The following KIAA0753 variants were observed in gnomAD, a reference collection of about 807,000 sequenced individuals.
KIAA0753 encodes the protein KIAA0753.
A neutral mutation model predicts 116.9 loss-of-function variants in KIAA0753; 114 were observed. The observed-to-expected ratio is 0.98, with a 90% CI of 0.84 to 1.14. The LOEUF (loss-of-function observed/expected upper bound fraction) is 1.14. Ranked by LOEUF, KIAA0753 falls within the 50% of genes most tolerant of loss-of-function variation. The pLI, the probability that KIAA0753 is intolerant of heterozygous loss-of-function variation, is 0.00. For synonymous variants in KIAA0753, 405 were observed against 413.1 expected (o/e 0.98, Z 0.24); for missense variants, 1,156 against 1,172.4 (o/e 0.99, Z 0.20).
At position 6,610,026 on chromosome 17, in the gene KIAA0753, T is replaced by TG; in HGVS notation, c.1679dup (p.Asn561LysfsTer10). 1 of 1,614,100 alleles carries TG rather than the reference T, an allele frequency of 6.2e-7. No homozygotes were observed. The highest frequency in any genetic ancestry group is 8.5e-7 in the Non-Finnish European group (1 of 1,179,980). On this transcript the variant is annotated frameshift_variant, in exon 9 of 19. Transcript: ENST00000361413. LOFTEE classifies it high-confidence loss of function. ...GAGACGCTGGTGGGGATGTGGGGTT[T>TG]GGGGGTATCCATGGTGCCTTGCGGT...
chr17:6,630,801 A>G (rs549899992), intron 2 of KIAA0753, among the ~76,000 whole-genome samples: 4 of 152,364 alleles, frequency 2.6e-5, no homozygotes, highest in African/African-American at 9.6e-5. Context: ...AGAGATTGGA[A>G]TATATTGTTC....
At chr17:6,632,817 C>A (rs12940696) in intron 2 of KIAA0753, among the ~76,000 whole-genome samples, 18,032 of 151,952 alleles carry the variant, frequency 0.12, 1,657 homozygotes, top group East Asian at 0.36. Context: ...TCAGGCAAAT[C>A]TAAATTGAGA....
chr17:6,623,793 C>T, intron 4 of KIAA0753: 1 of 456,902 alleles, frequency 2.2e-6, no homozygotes, highest in South Asian at 3.2e-5. Flanking sequence ...TCCCTTCGTC[C>T]CCAGTGTAAT....
intron 2 of KIAA0753, among the ~76,000 whole-genome samples, chr17:6,633,745 T>C (rs1379001370): frequency 1.3e-5 from 2 of 152,188 alleles, no homozygotes; most frequent in African/African-American, 2.4e-5. Context: ...ATGACAAGGA[T>C]GGATCTCAAA....
rs201379908 is a variant in KIAA0753 at position 6,628,599 on chromosome 17, A to G, written c.236T>C (p.Val79Ala). The G allele has an allele frequency of 2.9e-3, 4,748 of 1,614,122 alleles. 8 individuals are homozygous for G. The highest frequency in any genetic ancestry group is 3.6e-3 in the Non-Finnish European group (4,204 of 1,180,010). Reference sequence around the variant, plus strand: ...AACAGAACTGCCCAGGTCAGGACCAACTCTACAATCTGCATCTTTACAATG... The same window carrying G: ...AACAGAACTGCCCAGGTCAGGACCAGCTCTACAATCTGCATCTTTACAATG... ...SYHCKDADCRVGPDLGSSVSF... is the reference protein window; with the variant it reads ...SYHCKDADCRAGPDLGSSVSF... The change falls in exon 3 of 19, where the codon GTT (valine) becomes GCT (alanine). Residue 79 changes from valine (V) to alanine (A), a missense_variant. By Grantham distance (64) the Val-to-Ala change is moderately conservative. Coordinates refer to ENST00000361413, the MANE Select transcript of KIAA0753 (RefSeq NM_014804.3).
In KIAA0753 at chr17:6,611,056, C is replaced by T. The variant is rs545412659; in HGVS notation, c.1545+863G>A. 1.8e-4 allele frequency among the ~76,000 whole-genome samples: 28 copies of T among 152,300 alleles called. 1 individual carries two copies. In the South Asian group the frequency reaches 3.7e-3, roughly 20 times the overall value. ...AAAATAAACAGATTTGCTAAAGAAG[C>T]CTTTGGGCAAGACCACCAAATGTCA... On this transcript the variant is annotated intron_variant, in intron 8 of 18. Coordinates refer to ENST00000361413, the MANE Select transcript of KIAA0753 (RefSeq NM_014804.3).
chr17:6,590,652 A>C, intron 16 of KIAA0753, 22 bp from the exon 17 acceptor site: 4 of 1,612,510 alleles, frequency 2.5e-6, no homozygotes, highest in Non-Finnish European at 1.7e-6. Flanking sequence ...GGGTCATAAA[A>C]TGACTGCATA....
intron 18 of KIAA0753, among the ~76,000 whole-genome samples, chr17:6,582,692 A>AT (rs1381958062): frequency 6.6e-6 from 1 of 151,878 alleles, no homozygotes; most frequent in East Asian, 1.9e-4. Flanking sequence ...TTTCCTTTAG[A>AT]TTTTGTAATT....
rs1283136046 is a variant in KIAA0753 at position 6,590,499 on chromosome 17, T to C, written c.2561+11A>G. ...ACTAGAATGAAATCAGAAAGTGTCT[T>C]TGCCACTTACTTGCCATTACAGGGC... On this transcript the variant is annotated intron_variant, in intron 17 of 18. Transcript: ENST00000361413. The C allele has an allele frequency of 5.6e-6, 9 of 1,613,486 alleles. No individual in the cohort carries two copies. Among genetic ancestry groups the C allele is most frequent in the Non-Finnish European group, 6.8e-6 (8 of 1,179,626 alleles).
intron 14 of KIAA0753, 69 bp from the exon 15 acceptor site, chr17:6,596,412 A>C: frequency 8.4e-7 from 1 of 1,183,574 alleles, no homozygotes; most frequent in Non-Finnish European, 1.2e-6. Context: ...GATATAATGA[A>C]AACAGAAAAA....
intron 14 of KIAA0753, among the ~76,000 whole-genome samples, chr17:6,597,821 G>A (rs954254821): frequency 6.6e-6 from 1 of 152,196 alleles, no homozygotes; most frequent in Admixed American, 6.5e-5. Flanking sequence ...GAGAATTTGT[G>A]TTCAAGGTCT....
intron 16 of KIAA0753, among the ~76,000 whole-genome samples, chr17:6,593,093 AAAAC>A (rs1969191704): frequency 1.3e-5 from 2 of 152,228 alleles, no homozygotes; most frequent in South Asian, 2.1e-4. Flanking sequence ...GAAAAACAAC[AAAAC>A]AAACAAAAAC....
chr17:6,631,679 T>C (rs1342896779), intron 2 of KIAA0753, among the ~76,000 whole-genome samples: 1 of 152,210 alleles, frequency 6.6e-6, no homozygotes. Flanking sequence ...TGTACATGTA[T>C]GTATATGCAC....
chr17:6,620,359 T>A (rs1044811859), intron 7 of KIAA0753, among the ~76,000 whole-genome samples: 2 of 151,848 alleles, frequency 1.3e-5, no homozygotes, highest in Non-Finnish European at 2.9e-5. Context: ...ATGTACGTAC[T>A]GTTATCACCT....
chr17:6,622,046 A>G (rs1234240692), intron 6 of KIAA0753, among the ~76,000 whole-genome samples: 1 of 152,136 alleles, frequency 6.6e-6, no homozygotes, highest in Non-Finnish European at 1.5e-5. Flanking sequence ...CATTTAGTCT[A>G]GAATTCTCTC....
At chr17:6,603,253 T>C (rs567436641) in intron 12 of KIAA0753, among the ~76,000 whole-genome samples, 1 of 150,522 alleles carries the variant, frequency 6.6e-6, no homozygotes, top group African/African-American at 2.5e-5. Flanking sequence ...AAACAGAGAA[T>C]AGAGAAAACA....
chr17:6,608,249 C>T (rs1356125108), intron 10 of KIAA0753, 99 bp downstream of exon 10: 3 of 509,928 alleles, frequency 5.9e-6, no homozygotes, highest in South Asian at 1.2e-4. Flanking sequence ...TTTTAAATAA[C>T]CAACTTTAAA....
intron 16 of KIAA0753, among the ~76,000 whole-genome samples, chr17:6,591,420 A>C (rs1278798466): frequency 6.6e-6 from 1 of 152,250 alleles, no homozygotes; most frequent in Non-Finnish European, 1.5e-5. Flanking sequence ...GAGTGCAATC[A>C]AATTTTCAAT....
chr17:6,614,502 A>G (rs1335820338), intron 7 of KIAA0753, among the ~76,000 whole-genome samples: 3 of 106,836 alleles, frequency 2.8e-5, no homozygotes, highest in Non-Finnish European at 4.2e-5. Context: ...CCTTACAAGC[A>G]TAAGTGGGGG....
Sources: gnomAD v4.1 joint callset for allele counts (sites outside exome capture counted in the v4.1 genomes callset) on GRCh38, gnomAD v4.1.1 for gene constraint, MANE v1.5 for transcripts, NCBI Gene and HGNC (gene_info 2026-07-23, HGNC 2026-07-21) for gene names.